The following NPFFR2 variants were observed in gnomAD, a reference collection of about 807,000 sequenced individuals.
NPFFR2 encodes G-protein coupled receptor 74.
In NPFFR2, 15 loss-of-function variants were observed where a neutral mutation model predicts 13.1. The observed-to-expected ratio is 1.15, with a 90% CI of 0.77 to 1.76. NPFFR2 has a LOEUF of 1.76. Ranked by LOEUF, NPFFR2 falls within the 40% of genes most tolerant of loss-of-function variation. The probability of loss-of-function intolerance (pLI) is 0.00; values close to 1 mark genes in which losing one functional copy is unlikely to be tolerated. For synonymous variants in NPFFR2, 190 were observed against 175.7 expected (o/e 1.08, Z -0.65); for missense variants, 572 against 503.5 (o/e 1.14, Z -1.30).
chr4:72,053,660 A>G (rs922867526), intron 1 of NPFFR2, among the ~76,000 whole-genome samples: 5 of 151,844 alleles, frequency 3.3e-5, no homozygotes, highest in African/African-American at 4.8e-5. Context: ...AACTTACTAA[A>G]TTATTATTTA....
At chr4:72,043,084 A>T (rs62321471) in intron 1 of NPFFR2, among the ~76,000 whole-genome samples, 135,200 of 151,966 alleles carry the variant, frequency 0.89, 61,285 homozygotes, top group Non-Finnish European at 0.98. Context: ...CCGTGGGTAA[A>T]AGGGGTCAAT....
intron 1 of NPFFR2, among the ~76,000 whole-genome samples, chr4:72,037,156 C>T (rs1395926455): frequency 6.6e-6 from 1 of 151,402 alleles, no homozygotes; most frequent in African/African-American, 2.4e-5. Flanking sequence ...CTTTGGGAGG[C>T]AGAGGCAGGA....
intron 1 of NPFFR2, among the ~76,000 whole-genome samples, chr4:72,127,947 G>A (rs1346227190): frequency 6.6e-6 from 1 of 151,944 alleles, no homozygotes; most frequent in South Asian, 2.1e-4. Context: ...GGTCATGATG[G>A]CGTGCACCTG....
intron 1 of NPFFR2, among the ~76,000 whole-genome samples, chr4:72,112,833 C>A (rs1025177198): frequency 6.6e-6 from 1 of 151,834 alleles, no homozygotes; most frequent in Non-Finnish European, 1.5e-5. Context: ...AGGGAATTTA[C>A]CCCTCTCAGG....
chr4:72,100,281 CTG>C (rs1482781216), intron 1 of NPFFR2, among the ~76,000 whole-genome samples: 2 of 152,060 alleles, frequency 1.3e-5, no homozygotes, highest in Non-Finnish European at 2.9e-5. Flanking sequence ...GTAAAAAAAA[CTG>C]TATAGGTTTT....
intron 1 of NPFFR2, among the ~76,000 whole-genome samples, chr4:72,077,104 A>G (rs1024407447): frequency 6.6e-6 from 1 of 152,120 alleles, no homozygotes; most frequent in African/African-American, 2.4e-5. Context: ...TAGTCTTTAA[A>G]AAATCTTTTG....
intron 1 of NPFFR2, among the ~76,000 whole-genome samples, chr4:72,070,992 A>G (rs1036307217): frequency 6.6e-6 from 1 of 152,236 alleles, no homozygotes; most frequent in South Asian, 2.1e-4. Context: ...AGTTGACTGC[A>G]TTTCTAGTTT....
At chr4:72,079,317 A>G (rs1553890235) in intron 1 of NPFFR2, among the ~76,000 whole-genome samples, 1 of 150,586 alleles carries the variant, frequency 6.6e-6, no homozygotes, top group South Asian at 2.1e-4. Context: ...TATTTTTTTT[A>G]GTTCCTATTG....
At chr4:72,067,520 G>T (rs531798635) in intron 1 of NPFFR2, among the ~76,000 whole-genome samples, 1 of 152,168 alleles carries the variant, frequency 6.6e-6, no homozygotes, top group South Asian at 2.1e-4. Flanking sequence ...GTATACCGTT[G>T]GTTTTCTCTC....
intron 1 of NPFFR2, among the ~76,000 whole-genome samples, chr4:72,066,359 C>T (rs1473408664): frequency 6.6e-6 from 1 of 152,116 alleles, no homozygotes; most frequent in African/African-American, 2.4e-5. Flanking sequence ...GTTTTAACAC[C>T]TGAATTTTTG....
chr4:72,086,029 A>G lies in NPFFR2; in HGVS notation c.-7-42556A>G, dbSNP rs189506092. On this transcript the variant is annotated intron_variant, in intron 1 of 3. Transcript: ENST00000308744. ...GCTCAATAATGATCACTCGTTATCAATGTGCCATTGGTTATCACATCACAA... is the reference window on the plus strand; with the variant it reads ...GCTCAATAATGATCACTCGTTATCAGTGTGCCATTGGTTATCACATCACAA... Among the ~76,000 whole-genome samples, 212 of 152,220 alleles carry G rather than the reference A, an allele frequency of 1.4e-3. 2 individuals carry two copies. Among genetic ancestry groups the G allele is most frequent in the African/African-American group, 4.9e-3 (202 of 41,566 alleles).
At chr4:72,099,429 AAAG>A in intron 1 of NPFFR2, among the ~76,000 whole-genome samples, 1 of 152,174 alleles carries the variant, frequency 6.6e-6, no homozygotes, top group South Asian at 2.1e-4. Context: ...TATAAAGAAA[AAAG>A]ATTTAATTGG....
At chr4:72,042,793 T>G (rs1374580171) in intron 1 of NPFFR2, among the ~76,000 whole-genome samples, 1 of 152,194 alleles carries the variant, frequency 6.6e-6, no homozygotes, top group Non-Finnish European at 1.5e-5. Flanking sequence ...AGCATAAAAG[T>G]TTAAAAAATG....
chr4:72,046,084 T>C (rs7674940), intron 1 of NPFFR2, among the ~76,000 whole-genome samples: 135,367 of 152,128 alleles, frequency 0.89, 61,370 homozygotes, highest in Non-Finnish European at 0.98. Flanking sequence ...ATGTGGTAAA[T>C]ACCACAGGTA....
chr4:72,137,831 A>G (rs754267710), intron 2 of NPFFR2, among the ~76,000 whole-genome samples: 9 of 152,228 alleles, frequency 5.9e-5, no homozygotes, highest in Non-Finnish European at 1.2e-4. Context: ...GGAATGTGAT[A>G]ACTACTATGT....
chr4:72,076,287 G>C (rs996410583), intron 1 of NPFFR2, among the ~76,000 whole-genome samples: 3 of 151,888 alleles, frequency 2.0e-5, no homozygotes, highest in Non-Finnish European at 4.4e-5. Flanking sequence ...ATATAGATGG[G>C]AGAGGAAAGA....
intron 1 of NPFFR2, among the ~76,000 whole-genome samples, chr4:72,126,025 GAATTTTTCT>G (rs1305480722): frequency 1.3e-5 from 2 of 152,186 alleles, no homozygotes; most frequent in Non-Finnish European, 2.9e-5. Flanking sequence ...TACATTTATG[GAATTTTTCT>G]AATTTAGAAA....
chr4:72,097,867 G>A (rs12108604), intron 1 of NPFFR2, among the ~76,000 whole-genome samples: 4,419 of 152,214 alleles, frequency 0.029, 174 homozygotes, highest in African/African-American at 0.09. Flanking sequence ...TTAATGAACT[G>A]CAATATACCC....
chr4:72,076,891 A>G (rs1720457561), intron 1 of NPFFR2, among the ~76,000 whole-genome samples: 1 of 152,230 alleles, frequency 6.6e-6, no homozygotes, highest in Non-Finnish European at 1.5e-5. Flanking sequence ...CTGCACTGTC[A>G]GTAAAGCATT....
Sources: gnomAD v4.1 joint callset for allele counts (sites outside exome capture counted in the v4.1 genomes callset) on GRCh38, gnomAD v4.1.1 for gene constraint, MANE v1.5 for transcripts, NCBI Gene and HGNC (gene_info 2026-07-23, HGNC 2026-07-21) for gene names.